Variants in SYNCRIP observed in about 807,000 individuals in gnomAD.
The protein encoded by SYNCRIP is heterogeneous nuclear ribonucleoprotein Q.
A neutral mutation model predicts 68.9 loss-of-function variants in SYNCRIP; 9 were observed. The observed-to-expected ratio is 0.13, with a 90% confidence interval of 0.08 to 0.23. The LOEUF (loss-of-function observed/expected upper bound fraction) is 0.23, where lower values mean the gene tolerates loss of function less well. Among genes scored for constraint, SYNCRIP ranks in the 10% least tolerant of loss-of-function variants. SYNCRIP has a pLI of 1.00. For synonymous variants in SYNCRIP, 258 were observed against 254.0 expected (o/e 1.02, Z -0.15); for missense variants, 414 against 770.6 (o/e 0.54, Z 5.48).
chr6:85,611,414 T>C (rs1338909198), downstream of SYNCRIP: 1 of 152,566 alleles, frequency 6.6e-6, no homozygotes, highest in Non-Finnish European at 1.5e-5. Flanking sequence ...CTTGTTAAAT[T>C]TGCATTTACT....
chr6:85,627,062 T>A (rs1313082165), intron 6 of SYNCRIP, among the ~76,000 whole-genome samples: 1 of 152,038 alleles, frequency 6.6e-6, no homozygotes, highest in East Asian at 1.9e-4. Context: ...GCTCAGGAGT[T>A]CGAGACCAGC....
downstream of SYNCRIP, chr6:85,613,029 A>G: frequency 7.4e-7 from 1 of 1,350,352 alleles, no homozygotes; most frequent in South Asian, 1.5e-5. Context: ...TGGTAATTCT[A>G]AATATACTGT....
At chr6:85,643,537 GCGGGGCGGGCCGGCT>G (rs1393720001), upstream of SYNCRIP, among the ~76,000 whole-genome samples, 7 of 151,520 alleles carry the variant, frequency 4.6e-5, no homozygotes, top group Admixed American at 6.6e-5. Context: ...TCCCCTCCAG[GCGGGGCGGGCCGGCT>G]CAGCGTGTCC....
At chr6:85,617,501 C>A (rs962509531) in intron 10 of SYNCRIP, among the ~76,000 whole-genome samples, 2 of 152,206 alleles carry the variant, frequency 1.3e-5, no homozygotes, top group Admixed American at 6.5e-5. Flanking sequence ...TTAAAACTAA[C>A]TCTTTTTGTA....
At chr6:85,636,781 T>C (rs1808503446) in intron 6 of SYNCRIP, among the ~76,000 whole-genome samples, 186 bp downstream of exon 6, 1 of 152,160 alleles carries the variant, frequency 6.6e-6, no homozygotes, top group South Asian at 2.1e-4. Context: ...TTTTAGATGC[T>C]GAATCCTATC....
intron 6 of SYNCRIP, among the ~76,000 whole-genome samples, chr6:85,625,302 A>G (rs1806907685): frequency 6.6e-6 from 1 of 152,126 alleles, no homozygotes; most frequent in Non-Finnish European, 1.5e-5. Flanking sequence ...CAACATTAAA[A>G]AAAGTAAAAA....
chr6:85,632,199 G>T (rs1807875560), intron 6 of SYNCRIP, among the ~76,000 whole-genome samples: 1 of 152,130 alleles, frequency 6.6e-6, no homozygotes. Context: ...TGCTGTATCA[G>T]TATTAAAAGA....
At chr6:85,618,261 C>T (rs535661772) in intron 10 of SYNCRIP, among the ~76,000 whole-genome samples, 2 of 152,216 alleles carry the variant, frequency 1.3e-5, no homozygotes, top group East Asian at 3.9e-4. Context: ...GTGAGATAGG[C>T]CAGGCATGGT....
chr6:85,623,571 A>AAAAAAAAAAAAAAAAAAAAAAAAAC (rs1562087648), intron 7 of SYNCRIP, among the ~76,000 whole-genome samples: 10 of 147,970 alleles, frequency 6.8e-5, no homozygotes, highest in African/African-American at 2.6e-4. Flanking sequence ...CCAAAAAAAA[A>AAAAAAAAAAAAAAAAAAAAAAAAAC]AAAAAAAAAA....
At chr6:85,632,735 A>C (rs1207397131) in intron 6 of SYNCRIP, among the ~76,000 whole-genome samples, 1 of 152,102 alleles carries the variant, frequency 6.6e-6, no homozygotes, top group Non-Finnish European at 1.5e-5. Flanking sequence ...TGAGGCCAAG[A>C]GTTCAAGACT....
rs991673552 is a variant in SYNCRIP, at chr6:85,631,354, A to C, written c.666+5613T>G. On this transcript the variant is annotated intron_variant, in intron 6 of 10. Coordinates refer to ENST00000369622, the MANE Select transcript of SYNCRIP (RefSeq NM_006372.5). ...ACTGTGTCTCCAAAAAAAAAAAAAA[A>C]AGGCCATGGCTTAAAGAAGGCGAAA... is the stretch of plus-strand genomic sequence containing the variant. 1.3e-5 allele frequency among the ~76,000 whole-genome samples: 2 copies of C among 151,774 alleles called. 1 individual carries two copies. Among genetic ancestry groups the C allele is most frequent in the African/African-American group, 4.8e-5 (2 of 41,316 alleles).
chr6:85,618,819 T>G lies in SYNCRIP; in HGVS notation c.1279A>C (p.Met427Leu). 1 of 1,600,464 alleles carries G rather than the reference T, an allele frequency of 6.2e-7. No individual in the cohort carries two copies. The highest frequency in any genetic ancestry group is 8.5e-7 in the Non-Finnish European group (1 of 1,173,240). The part of the protein sequence containing the change: ...KAQRQAAKNQ[M>L]YDDYYYYGPP... ...TTTAAGTATACAAATTTCACTCACA[T>G]TTGATTTTTTGCTGCTTGCCTCTGA... Residue 427 changes from methionine (M) to leucine (L), a missense_variant and splice_region_variant, in exon 10 of 11, where the codon ATG (methionine) becomes CTG (leucine). Met to Leu is a conservative substitution (Grantham distance 15). Coordinates refer to ENST00000369622, the MANE Select transcript of SYNCRIP (RefSeq NM_006372.5).
intron 6 of SYNCRIP, among the ~76,000 whole-genome samples, chr6:85,636,440 CA>C (rs1023175626): frequency 2.1e-4 from 29 of 136,438 alleles, no homozygotes; most frequent in Middle Eastern, 4.0e-3. Flanking sequence ...AACTTGGTCT[CA>C]AAAAAAAAAG....
At chr6:85,643,838 T>G (rs1051826601), upstream of SYNCRIP, 1 of 151,340 alleles carries the variant, frequency 6.6e-6, no homozygotes, top group African/African-American at 2.4e-5. Context: ...CGCCCCGCGC[T>G]CTCCTCCTCG....
In SYNCRIP at chr6:85,614,745, C is replaced by T. The variant is rs1179473669; in HGVS notation, c.*11G>A. 3 of 1,572,220 alleles carry T rather than the reference C, an allele frequency of 1.9e-6. No homozygotes were observed. The African/African-American group carries it at 4.1e-5, about 21-fold the overall frequency. On this transcript the variant is annotated 3_prime_UTR_variant, in exon 11 of 11. Transcript: ENST00000369622. ...CTATCAGTCTCCAATTTTACAGAGG[C>T]CCTACTGTTTCTACTTCCACTGTTG...
intron 6 of SYNCRIP, among the ~76,000 whole-genome samples, chr6:85,625,411 G>A: frequency 6.7e-6 from 1 of 149,868 alleles, no homozygotes; most frequent in African/African-American, 2.5e-5. Context: ...CTGAGACAGA[G>A]TCTTGCTCTG....
chr6:85,610,626 A>G (rs1805166164), downstream of SYNCRIP: 1 of 152,056 alleles, frequency 6.6e-6, no homozygotes, highest in Non-Finnish European at 1.5e-5. Flanking sequence ...AGTAATTCTG[A>G]GAACTTAAAC....
In SYNCRIP at chr6:85,614,453, T is replaced by TG; in HGVS notation, c.*302dup. On this transcript the variant is annotated 3_prime_UTR_variant, in exon 11 of 11. Transcript: ENST00000369622. ...TGAAGACACCAAATCTAAACACTAC[T>TG]GGAAACATCGTTGACACTACAGCCA... The TG allele has an allele frequency of 9.2e-7, 1 of 1,083,748 alleles. No individual in the cohort carries two copies. The highest frequency in any genetic ancestry group is 1.1e-6 in the Non-Finnish European group (1 of 893,974). The allele number at this position is 1,083,748 out of a possible 1,614,324, so 67.1% of individuals were successfully genotyped here. A position where few individuals can be genotyped will look rare whatever the true frequency, so the allele number is the denominator to read the frequency against.
intron 6 of SYNCRIP, among the ~76,000 whole-genome samples, chr6:85,631,355 A>AAAAG (rs1807759782): frequency 6.6e-6 from 1 of 150,904 alleles, no homozygotes. Flanking sequence ...AAAAAAAAAA[A>AAAAG]GGCCATGGCT....
Sources: allele counts gnomAD v4.1 joint callset (sites outside exome capture counted in the v4.1 genomes callset), GRCh38; gene constraint gnomAD v4.1.1; transcripts MANE v1.5; gene names NCBI Gene and HGNC (gene_info 2026-07-23, HGNC 2026-07-21).